The following TP63 variants were observed in gnomAD, a reference collection of about 807,000 sequenced individuals.
TP63 encodes tumor protein 63.
In TP63, 17 loss-of-function variants were observed where a neutral mutation model predicts 82.8. That is an observed-to-expected ratio of 0.21 (90% confidence interval 0.14 to 0.31). TP63 has a LOEUF of 0.31. Ranked by LOEUF, TP63 falls within the 10% of genes least tolerant of loss-of-function variation. TP63 has a pLI of 1.00. For missense variants in TP63, 648 were observed against 895.3 expected (o/e 0.72, Z 3.52); for synonymous variants, 330 against 321.7 (o/e 1.03, Z -0.28).
At chr3:189,617,657 C>T in the TP63 span, among the ~76,000 whole-genome samples, 1 of 152,178 alleles carries the variant, frequency 6.6e-6, no homozygotes, top group African/African-American at 2.4e-5. Context: ...GCATTAACAT[C>T]TACCATCTTC....
At chr3:189,808,612 G>A in intron 4 of TP63, 86 bp downstream of exon 4, 1 of 1,601,184 alleles carries the variant, frequency 6.2e-7, no homozygotes, top group Non-Finnish European at 8.5e-7. Context: ...CCCCTTCCCA[G>A]TTTAGCGATT....
intron 3 of TP63, among the ~76,000 whole-genome samples, chr3:189,761,039 A>C (rs989038946): frequency 1.3e-5 from 2 of 152,186 alleles, no homozygotes; most frequent in Admixed American, 6.5e-5. Flanking sequence ...CACACAGCAC[A>C]GATACCCTGG....
chr3:189,773,654 C>A (rs1723541077), intron 3 of TP63, among the ~76,000 whole-genome samples: 1 of 152,100 alleles, frequency 6.6e-6, no homozygotes, highest in African/African-American at 2.4e-5. Flanking sequence ...ATTTTCTAGT[C>A]ATTAAATCAC....
At chr3:189,710,634 T>C (rs1453215227) in intron 1 of TP63, among the ~76,000 whole-genome samples, 2 of 152,170 alleles carry the variant, frequency 1.3e-5, no homozygotes, top group East Asian at 3.8e-4. Flanking sequence ...GTGCATGACC[T>C]ATACTGCAAT....
chr3:189,598,083 A>C, the TP63 span, among the ~76,000 whole-genome samples: 1 of 152,212 alleles, frequency 6.6e-6, no homozygotes, highest in African/African-American at 2.4e-5. Context: ...TGTTGAGAAG[A>C]AGCAAAATAA....
rs534373263 is a variant in TP63 at position 189,672,230 on chromosome 3, G to A, written c.62+40653G>A. ...AATAGGTTGCAGCCAAAGCTGTGCA[G>A]AGGCAAATTTACAGCTTTAAATATC... is the stretch of plus-strand genomic sequence containing the variant. On this transcript the variant is annotated intron_variant, in intron 1 of 13. Coordinates refer to ENST00000264731, the MANE Select transcript of TP63 (RefSeq NM_003722.5). 7.2e-5 allele frequency among the ~76,000 whole-genome samples: 11 copies of A among 152,158 alleles called. No individual in the cohort carries two copies. The East Asian group carries it at 1.9e-3, about 27-fold the overall frequency.
At chr3:189,658,346 T>C (rs534305496) in intron 1 of TP63, among the ~76,000 whole-genome samples, 2 of 152,164 alleles carry the variant, frequency 1.3e-5, no homozygotes, top group Admixed American at 6.6e-5. Context: ...TTTGTAGATA[T>C]TCTGCCCTCA....
chr3:189,806,613 G>A (rs574249451), intron 3 of TP63, among the ~76,000 whole-genome samples: 6 of 152,280 alleles, frequency 3.9e-5, no homozygotes, highest in East Asian at 3.9e-4. Context: ...CACACCTGCC[G>A]GGAGAGAAAG....
rs2108873330 is a variant in TP63 at position 189,894,271 on chromosome 3, C to T, written c.1812C>T (p.His604=). ...RHAIWKGILD[H]RQLHEFSSPS... ...CGATCTGGAAGGGCATCCTGGACCA[C>T]CGGCAGCTCCACGAATTCTCCTCCC... The change falls in exon 14 of 14, where the codon CAC becomes CAT. Residue 604 remains histidine (H), a synonymous_variant. Transcript: ENST00000264731. The T allele has an allele frequency of 6.2e-7, 1 of 1,614,100 alleles. No individual in the cohort carries two copies. Among genetic ancestry groups the T allele is most frequent in the Non-Finnish European group, 8.5e-7 (1 of 1,180,024 alleles).
intron 4 of TP63, among the ~76,000 whole-genome samples, chr3:189,833,762 A>G (rs1712715672): frequency 6.6e-6 from 1 of 152,090 alleles, no homozygotes; most frequent in Non-Finnish European, 1.5e-5. Context: ...TAATTAAGAC[A>G]GCGGTATCTA....
chr3:189,735,046 G>A (rs1220895361), intron 1 of TP63, among the ~76,000 whole-genome samples: 3 of 152,152 alleles, frequency 2.0e-5, no homozygotes, highest in South Asian at 4.1e-4. Flanking sequence ...AGGTTCTAAT[G>A]TCAAGGTTGC....
chr3:189,726,162 C>G (rs937507749), intron 1 of TP63, among the ~76,000 whole-genome samples: 1 of 152,078 alleles, frequency 6.6e-6, no homozygotes, highest in African/African-American at 2.4e-5. Context: ...AAACACGTAT[C>G]TTGTTCCTCC....
rs543564029 is a variant in TP63, at chr3:189,691,199, C to T, written c.63-46541C>T. ...ATTAAAAATACAAAAATTAGCCGGG[C>T]GTGGTGGTGCACGCCTGTAATCCCA... is the stretch of plus-strand genomic sequence containing the variant. On this transcript the variant is annotated intron_variant, in intron 1 of 13. Coordinates refer to ENST00000264731, the MANE Select transcript of TP63 (RefSeq NM_003722.5). 7.9e-5 allele frequency among the ~76,000 whole-genome samples: 12 copies of T among 151,310 alleles called. No individual in the cohort carries two copies. The South Asian group carries it at 1.3e-3, about 16-fold the overall frequency.
At chr3:189,685,330 C>T (rs1716348145) in intron 1 of TP63, among the ~76,000 whole-genome samples, 1 of 152,140 alleles carries the variant, frequency 6.6e-6, no homozygotes. Flanking sequence ...TCTCCCTTTG[C>T]CCTGCATTGC....
At chr3:189,830,607 C>T (rs935245504) in intron 4 of TP63, among the ~76,000 whole-genome samples, 4 of 152,104 alleles carry the variant, frequency 2.6e-5, no homozygotes, top group Non-Finnish European at 4.4e-5. Flanking sequence ...TTACATAACA[C>T]GCAATTTTGT....
intron 1 of TP63, among the ~76,000 whole-genome samples, chr3:189,682,006 G>A (rs1715953814): frequency 6.6e-6 from 1 of 152,152 alleles, no homozygotes; most frequent in Non-Finnish European, 1.5e-5. Flanking sequence ...GCCAAGGTGG[G>A]AGGATCACCT....
chr3:189,880,067 C>T (rs943104634), intron 10 of TP63: 2 of 1,613,802 alleles, frequency 1.2e-6, no homozygotes, highest in African/African-American at 1.3e-5. Flanking sequence ...TCTGCAGTCT[C>T]CTTTCAGCCT....
At chr3:189,597,508 C>G in the TP63 span, among the ~76,000 whole-genome samples, 1 of 152,028 alleles carries the variant, frequency 6.6e-6, no homozygotes, top group Admixed American at 6.5e-5. Context: ...CTTCTAAAAT[C>G]AAATTTAAAA....
rs764465764 is a variant in TP63 at position 189,864,429 on chromosome 3, T to C, written c.766+11T>C. The C allele has an allele frequency of 5.3e-5, 85 of 1,610,764 alleles. No homozygotes were observed. The highest frequency in any genetic ancestry group is 6.9e-5 in the Non-Finnish European group (81 of 1,178,080). ...GTGAATTCAACGAGGGTAAGCAGAATTTGAATCTCTAACTGTTCAACCTCC... is the reference window on the plus strand; with the variant it reads ...GTGAATTCAACGAGGGTAAGCAGAACTTGAATCTCTAACTGTTCAACCTCC... On this transcript the variant is annotated intron_variant, in intron 5 of 13. Coordinates refer to ENST00000264731, the MANE Select transcript of TP63 (RefSeq NM_003722.5).
Sources: gnomAD v4.1 joint callset for allele counts (sites outside exome capture counted in the v4.1 genomes callset) on GRCh38, gnomAD v4.1.1 for gene constraint, MANE v1.5 for transcripts, NCBI Gene and HGNC (gene_info 2026-07-23, HGNC 2026-07-21) for gene names.